SHANK2: variants seen among roughly 807,000 people sequenced by gnomAD.
SHANK2 encodes SH3 and multiple ankyrin repeat domains protein 2.
Under a neutral mutation model 133.7 loss-of-function variants are expected in SHANK2, and 43 were observed. The ratio of observed to expected loss-of-function variants is 0.32; its 90% CI spans 0.25 to 0.41. SHANK2 has a LOEUF of 0.41. Ranked by LOEUF, SHANK2 falls within the 10% of genes least tolerant of loss-of-function variation. The probability of loss-of-function intolerance (pLI) is 1.00; values close to 1 mark genes in which losing one functional copy is unlikely to be tolerated. For synonymous variants in SHANK2, 1,017 were observed against 952.8 expected (o/e 1.07, Z -1.24); for missense variants, 1,994 against 2,235.8 (o/e 0.89, Z 2.18).
intron 2 of SHANK2, among the ~76,000 whole-genome samples, chr11:71,200,936 C>T (rs1390995330): frequency 6.6e-6 from 1 of 151,748 alleles, no homozygotes; most frequent in African/African-American, 2.4e-5. Flanking sequence ...GTGCTCAAAG[C>T]TTTGTTCAGT....
intron 14 of SHANK2, among the ~76,000 whole-genome samples, chr11:70,774,946 G>A (rs1947330151): frequency 6.6e-6 from 1 of 152,030 alleles, no homozygotes; most frequent in African/African-American, 2.4e-5. Flanking sequence ...ACTGCTTGAG[G>A]CCAAGAGTGT....
rs1429157347 is a variant in SHANK2 at position 70,500,885 on chromosome 11, C to T, written c.2288-295G>A. The T allele has an allele frequency of 1.5e-6, 1 of 650,264 alleles. No homozygotes were observed. The highest frequency in any genetic ancestry group is 2.0e-5 in the African/African-American group (1 of 49,186). The allele number at this position is 650,264 out of a possible 1,614,324, so 40.3% of individuals were successfully genotyped here. A position where few individuals can be genotyped will look rare whatever the true frequency, so the allele number is the denominator to read the frequency against. On this transcript the variant is annotated intron_variant, in intron 20 of 25. Coordinates refer to ENST00000601538, the MANE Select transcript of SHANK2 (RefSeq NM_012309.5). The surrounding 1 kb of genome is among the most constrained non-coding windows in gnomAD (Gnocchi z 4.5). Reference sequence around the variant, plus strand: ...CAGCACCCCTTGTCCCACCAGCACCCTGCCAAAGTAGGGAGGAGTTCTCAG... The same window carrying T: ...CAGCACCCCTTGTCCCACCAGCACCTTGCCAAAGTAGGGAGGAGTTCTCAG...
chr11:71,237,375 C>T (rs184984345), intron 1 of SHANK2, among the ~76,000 whole-genome samples: 1 of 152,304 alleles, frequency 6.6e-6, no homozygotes, highest in Admixed American at 6.5e-5. Flanking sequence ...ATGCCCATTC[C>T]CTCATGTATT....
At chr11:70,899,886 T>C (rs956679751) in intron 10 of SHANK2, among the ~76,000 whole-genome samples, 2 of 152,254 alleles carry the variant, frequency 1.3e-5, no homozygotes, top group Non-Finnish European at 2.9e-5. Flanking sequence ...GCATGGGCTC[T>C]GGCCTGGGCT....
At chr11:70,847,155 C>T (rs1265557125) in intron 11 of SHANK2, among the ~76,000 whole-genome samples, 5 of 152,158 alleles carry the variant, frequency 3.3e-5, no homozygotes, top group Admixed American at 3.3e-4. Flanking sequence ...GACCCACACC[C>T]CAGTACAGGG....
intron 10 of SHANK2, among the ~76,000 whole-genome samples, chr11:70,912,566 T>C (rs1240844549): frequency 6.6e-6 from 1 of 152,222 alleles, no homozygotes; most frequent in African/African-American, 2.4e-5. Context: ...CCTCCTGCCA[T>C]GATTCTGAGG....
chr11:71,188,994 C>T lies in SHANK2; in HGVS notation c.-13+35703G>A, dbSNP rs1220935799. 6.6e-6 allele frequency among the ~76,000 whole-genome samples: 1 copy of T among 152,244 alleles called. No homozygotes were observed. Among genetic ancestry groups the T allele is most frequent in the Non-Finnish European group, 1.5e-5 (1 of 68,040 alleles). On this transcript the variant is annotated intron_variant, in intron 2 of 25. Transcript: ENST00000601538. This position sits in a 1 kb window ranked among gnomAD's most constrained non-coding sequence, Gnocchi z 4.6. Reference sequence around the variant, plus strand: ...GGAGTCCCAGGAAGCTGCCCCACCACAGGGCAACAGCCAGGTCACAGCAAC... The same window carrying T: ...GGAGTCCCAGGAAGCTGCCCCACCATAGGGCAACAGCCAGGTCACAGCAAC...
intron 3 of SHANK2, among the ~76,000 whole-genome samples, chr11:71,136,935 T>A (rs528221631): frequency 6.6e-6 from 1 of 152,356 alleles, no homozygotes; most frequent in South Asian, 2.1e-4. Context: ...CGATCTCCAC[T>A]CACTGCAACC....
intron 14 of SHANK2, among the ~76,000 whole-genome samples, chr11:70,707,761 T>G (rs1945697135): frequency 6.6e-6 from 1 of 152,198 alleles, no homozygotes; most frequent in African/African-American, 2.4e-5. Context: ...CGTTGGCTAC[T>G]GTTGTCTGTC....
intron 11 of SHANK2, among the ~76,000 whole-genome samples, chr11:70,847,277 T>C (rs1200491870): frequency 6.6e-6 from 1 of 152,178 alleles, no homozygotes; most frequent in African/African-American, 2.4e-5. Flanking sequence ...ACTCTGTACT[T>C]GATGAGGTCC....
intron 9 of SHANK2, among the ~76,000 whole-genome samples, chr11:71,073,980 G>A (rs1951185247): frequency 6.6e-6 from 1 of 152,164 alleles, no homozygotes; most frequent in Non-Finnish European, 1.5e-5. Context: ...AGAGAGCCCG[G>A]CTCCTCACGC....
intron 1 of SHANK2, among the ~76,000 whole-genome samples, chr11:71,226,108 T>G (rs577830150): frequency 6.6e-6 from 1 of 151,494 alleles, no homozygotes; most frequent in Non-Finnish European, 1.5e-5. Flanking sequence ...GCAACAAGAG[T>G]GAAACTCCAT....
chr11:71,116,781 C>T (rs1951987465), intron 4 of SHANK2, among the ~76,000 whole-genome samples: 1 of 152,128 alleles, frequency 6.6e-6, no homozygotes, highest in African/African-American at 2.4e-5. Context: ...TGGAGCCCTC[C>T]CCATGGTAGT....
At chr11:70,629,043 G>A (rs1011422150) in intron 17 of SHANK2, among the ~76,000 whole-genome samples, 3 of 152,216 alleles carry the variant, frequency 2.0e-5, no homozygotes, top group Admixed American at 2.0e-4. Flanking sequence ...CCAACACTTG[G>A]AGAGGGATGG....
intron 11 of SHANK2, chr11:70,864,356 C>G (rs1406414789): frequency 6.3e-6 from 1 of 158,826 alleles, no homozygotes; most frequent in African/African-American, 2.4e-5. Flanking sequence ...AAAAATCCAG[C>G]TTCGGACAGG....
intron 17 of SHANK2, among the ~76,000 whole-genome samples, chr11:70,636,255 G>A (rs1450322816): frequency 5.9e-5 from 9 of 152,248 alleles, no homozygotes; most frequent in Admixed American, 2.0e-4. Context: ...ATGAGCATGC[G>A]TGTATGCGAG....
At chr11:70,901,677 A>C (rs1242464426) in intron 10 of SHANK2, among the ~76,000 whole-genome samples, 1 of 152,212 alleles carries the variant, frequency 6.6e-6, no homozygotes, top group African/African-American at 2.4e-5. Context: ...AACCCAGAGC[A>C]GGAAGGAGCC....
intron 15 of SHANK2, among the ~76,000 whole-genome samples, chr11:70,675,240 T>C (rs1450028601): frequency 6.6e-6 from 1 of 152,246 alleles, no homozygotes; most frequent in Non-Finnish European, 1.5e-5. Context: ...TAATGAGTAA[T>C]AATTCATAAT....
At chr11:70,802,360 C>T (rs1217026715) in intron 13 of SHANK2, among the ~76,000 whole-genome samples, 3 of 152,156 alleles carry the variant, frequency 2.0e-5, no homozygotes, top group African/African-American at 7.2e-5. Context: ...AGCTCTCTTG[C>T]AAACTGGAAA....
Sources: gnomAD v4.1 joint callset for allele counts (sites outside exome capture counted in the v4.1 genomes callset) on GRCh38, gnomAD v4.1.1 for gene constraint, Gnocchi (gnomAD v3.1) non-coding constraint, MANE v1.5 for transcripts, NCBI Gene and HGNC (gene_info 2026-07-23, HGNC 2026-07-21) for gene names.